WARS2: variants seen among roughly 807,000 people sequenced by gnomAD.
WARS2 encodes the protein tryptophan--tRNA ligase, mitochondrial.
A neutral mutation model predicts 36.5 loss-of-function variants in WARS2; 28 were observed. That is an observed-to-expected ratio of 0.77 (90% CI 0.57 to 1.05). The LOEUF is 1.05. WARS2 is among the 50% of genes least tolerant of loss of function. The pLI, the probability that WARS2 is intolerant of heterozygous loss-of-function variation, is 0.00. For synonymous variants in WARS2, 174 were observed against 178.4 expected, an observed-to-expected ratio of 0.98 and a Z score of 0.20; for missense variants, 435 against 456.8, an observed-to-expected ratio of 0.95 and a Z score of 0.44.
chr1:119,131,663 G>A (rs895700993), intron 1 of WARS2, among the ~76,000 whole-genome samples: 12 of 151,880 alleles, frequency 7.9e-5, no homozygotes, highest in African/African-American at 2.7e-4. Flanking sequence ...AGGTTTCACC[G>A]TGTTAGCCAG....
chr1:119,139,074 C>T (rs587644023), intron 1 of WARS2, among the ~76,000 whole-genome samples: 11 of 152,146 alleles, frequency 7.2e-5, no homozygotes, highest in Non-Finnish European at 1.3e-4. Context: ...TTTGGGTCTA[C>T]GGCTTAGCTA....
chr1:119,094,889 AAG>A (rs1482561049), intron 1 of WARS2, among the ~76,000 whole-genome samples: 2 of 152,162 alleles, frequency 1.3e-5, no homozygotes, highest in Admixed American at 6.5e-5. Flanking sequence ...AGGAAAAAAA[AAG>A]AGAGAAAAAT....
Position 119,049,198 on chromosome 1 carries a change from A to G in WARS2, c.349-3536T>C, listed in dbSNP as rs375121306. ...ACACATGAAACACGGGCAGCACACC[A>G]GCGGGCCACTGACGGGCGGAACGAC... On this transcript the variant is annotated intron_variant, in intron 2 of 5. Transcript: ENST00000235521. Among the ~76,000 whole-genome samples, 170 of 152,358 alleles carry G rather than the reference A, an allele frequency of 1.1e-3. 2 individuals carry two copies. The East Asian group carries it at 0.027, about 24-fold the overall frequency.
Position 119,032,915 on chromosome 1 carries a change from A to G in WARS2, c.1079T>C (p.Leu360Pro), listed in dbSNP as rs17023101. The change falls in exon 6 of 6, where the codon CTA becomes CCA. Residue 360 changes from leucine (L) to proline (P), a missense_variant. Transcript: ENST00000235521. ...CQEVKKLVGFL is the reference protein window; with the variant it reads ...CQEVKKLVGFP ...GCTGTGATTCGTTGAAACTTCCTAT[A>G]GAAAACCCACCAATTTCTTCACCTC... 2,400 of 1,610,168 alleles carry G rather than the reference A, an allele frequency of 1.5e-3. 36 individuals are homozygous for G. The African/African-American group carries it at 0.027, about 18-fold the overall frequency.
chr1:119,073,700 T>C (rs1363672613), intron 2 of WARS2, among the ~76,000 whole-genome samples: 5 of 152,210 alleles, frequency 3.3e-5, no homozygotes, highest in African/African-American at 1.2e-4. Context: ...ATTTTGTCCC[T>C]CCTTAATGGG....
At chr1:119,065,714 T>C (rs1650787402) in intron 2 of WARS2, among the ~76,000 whole-genome samples, 1 of 151,322 alleles carries the variant, frequency 6.6e-6, no homozygotes, top group African/African-American at 2.4e-5. Flanking sequence ...CTCTAAATGA[T>C]TAATAGAGTA....
intron 1 of WARS2, among the ~76,000 whole-genome samples, chr1:119,138,600 A>G (rs1444976865): frequency 1.3e-5 from 2 of 152,218 alleles, no homozygotes; most frequent in East Asian, 1.9e-4. Context: ...TTTTCTATGT[A>G]TACGTTTATA....
At chr1:119,038,913 C>T (rs971231756) in intron 4 of WARS2, among the ~76,000 whole-genome samples, 3 of 152,168 alleles carry the variant, frequency 2.0e-5, no homozygotes, top group African/African-American at 7.2e-5. Context: ...AACTCCTGAG[C>T]TCAGGTGATC....
chr1:119,140,319 G>A (rs587668922), intron 1 of WARS2: 11 of 378,636 alleles, frequency 2.9e-5, no homozygotes, highest in East Asian at 2.8e-4. Flanking sequence ...TGGAGGTGGC[G>A]GCAAGAGGTC....
intron 1 of WARS2, among the ~76,000 whole-genome samples, chr1:119,103,912 AG>A (rs1423275447): frequency 6.6e-6 from 1 of 150,962 alleles, no homozygotes; most frequent in Admixed American, 6.6e-5. Flanking sequence ...TTAATTAAAA[AG>A]GAAAAATATA....
chr1:119,034,656 A>G (rs1174855457), intron 4 of WARS2, among the ~76,000 whole-genome samples: 1 of 152,214 alleles, frequency 6.6e-6, no homozygotes, highest in Non-Finnish European at 1.5e-5. Context: ...AAGGCAGCAG[A>G]AAGTTCTTCA....
intron 2 of WARS2, 139 bp downstream of exon 2, chr1:119,076,211 T>C (rs1051857115): frequency 1.9e-6 from 2 of 1,042,640 alleles, no homozygotes; most frequent in African/African-American, 3.2e-5. Context: ...AACATTAAGC[T>C]GAAAAAAATC....
In WARS2 at chr1:119,033,011, T is replaced by C. The variant is rs1219375586; in HGVS notation, c.983A>G (p.Lys328Arg). 8.7e-6 allele frequency: 14 copies of C among 1,614,140 alleles called. No individual in the cohort carries two copies. Among genetic ancestry groups the C allele is most frequent in the Non-Finnish European group, 1.1e-5 (13 of 1,180,046 alleles). ...KREIEKLKLD[K>R]DHLEKVLQIG... ...TTGTAAAACCTTCTCTAAATGGTCC[T>C]TGTCCAGCTTCAGTTTTTCAATTTC... The change falls in exon 6 of 6, where the codon AAG becomes AGG. Residue 328 changes from lysine (K) to arginine (R), a missense_variant. Physicochemically the swap from Lys to Arg is conservative, Grantham distance 26. Coordinates refer to ENST00000235521, the MANE Select transcript of WARS2 (RefSeq NM_015836.4).
chr1:119,076,277 T>G, intron 2 of WARS2, 73 bp downstream of exon 2: 1 of 1,565,630 alleles, frequency 6.4e-7, no homozygotes, highest in Non-Finnish European at 8.7e-7. Context: ...AGGGGCTGTA[T>G]GAACCATTCA....
At chr1:119,111,614 G>C (rs1256378704) in intron 1 of WARS2, among the ~76,000 whole-genome samples, 1 of 152,164 alleles carries the variant, frequency 6.6e-6, no homozygotes, top group Non-Finnish European at 1.5e-5. Context: ...TTTGTTGTGA[G>C]AACCTGGTAA....
chr1:119,044,415 G>A (rs1456581447), intron 3 of WARS2, among the ~76,000 whole-genome samples: 1 of 152,168 alleles, frequency 6.6e-6, no homozygotes, highest in Non-Finnish European at 1.5e-5. Flanking sequence ...GGTACAATGG[G>A]AAAGTATTGC....
Position 119,137,794 on chromosome 1 carries a change from A to T in WARS2, c.90+2761T>A, listed in dbSNP as rs118151288. Among the ~76,000 whole-genome samples the T allele has an allele frequency of 8.6e-4, 131 of 152,288 alleles. 1 individual carries two copies. In the East Asian group the frequency reaches 0.019, roughly 23 times the overall value. On this transcript the variant is annotated intron_variant, in intron 1 of 5. Coordinates refer to ENST00000235521, the MANE Select transcript of WARS2 (RefSeq NM_015836.4). The stretch of plus-strand genomic sequence containing the variant: ...GACATCCCATAATGAGTATGGAGTG[A>T]TGTGCTGTTATTCCTGTTTCTCCCT...
At chr1:119,112,072 A>C (rs1181282693) in intron 1 of WARS2, among the ~76,000 whole-genome samples, 7 of 151,946 alleles carry the variant, frequency 4.6e-5, no homozygotes, top group Non-Finnish European at 7.4e-5. Flanking sequence ...ACAAGCATGC[A>C]CCACCATGCC....
chr1:119,136,407 T>G (rs925931411), intron 1 of WARS2, among the ~76,000 whole-genome samples: 3 of 152,230 alleles, frequency 2.0e-5, no homozygotes, highest in African/African-American at 7.2e-5. Flanking sequence ...ATTATCATTT[T>G]AATAAACTAG....
Sources: allele counts gnomAD v4.1 joint callset (sites outside exome capture counted in the v4.1 genomes callset), GRCh38; gene constraint gnomAD v4.1.1; transcripts MANE v1.5; gene names NCBI Gene and HGNC (gene_info 2026-07-23, HGNC 2026-07-21).